Variants in ALOXE3 observed in about 807,000 individuals in gnomAD.
ALOXE3 encodes the protein hydroperoxide isomerase ALOXE3.
A neutral mutation model predicts 87.5 loss-of-function variants in ALOXE3; 78 were observed. That is an observed-to-expected ratio of 0.89 (90% CI 0.74 to 1.08). The LOEUF (loss-of-function observed/expected upper bound fraction) is 1.08, where lower values mean the gene tolerates loss of function less well. Among genes scored for constraint, ALOXE3 ranks in the 50% least tolerant of loss-of-function variants. ALOXE3 has a pLI of 0.00. For synonymous variants in ALOXE3, 363 were observed against 370.8 expected, an observed-to-expected ratio of 0.98 and a Z score of 0.24; for missense variants, 946 against 912.4, an observed-to-expected ratio of 1.04 and a Z score of -0.47.
Position 8,115,039 on chromosome 17 carries a change from A to G in ALOXE3, c.453T>C (p.Pro151=). 1 of 1,614,188 alleles carries G rather than the reference A, an allele frequency of 6.2e-7. No individual in the cohort carries two copies. Among genetic ancestry groups the G allele is most frequent in the South Asian group, 1.1e-5 (1 of 91,082 alleles). ...TGACGTCTACCATGCAGGGGAAGCCAGGGGCATAGATCTTCCAGCTTCCGA... is the reference window on the plus strand; with the variant it reads ...TGACGTCTACCATGCAGGGGAAGCCGGGGGCATAGATCTTCCAGCTTCCGA... ...QECYRWKIYA[P]GFPCMVDVNS... The change falls in exon 5 of 16, where the codon CCT becomes CCC. Residue 151 remains proline, a synonymous_variant. Coordinates refer to ENST00000448843, the MANE Select transcript of ALOXE3 (RefSeq NM_021628.3).
In ALOXE3 at chr17:8,096,329, A is replaced by G. The variant is rs915629285; in HGVS notation, c.*298T>C. On this transcript the variant is annotated 3_prime_UTR_variant, in exon 16 of 16. Transcript: ENST00000448843. ...AAGCTGGGCATTCCAAGAGGCTGGA[A>G]CAAGAGGCTGCCCCAAGTGGGGCAA... 1.1e-5 allele frequency: 4 copies of G among 359,016 alleles called. No individual in the cohort carries two copies. The highest frequency in any genetic ancestry group is 8.2e-5 in the African/African-American group (4 of 48,652). The allele number at this position is 359,016 out of a possible 1,614,324, so 22.2% of individuals were successfully genotyped here.
chr17:8,104,346 G>T, intron 13 of ALOXE3, 131 bp from the exon 14 acceptor site: 1 of 704,126 alleles, frequency 1.4e-6, no homozygotes, highest in Non-Finnish European at 2.5e-6. Context: ...TGTCTTGTCG[G>T]GCTGGTTAGG....
At position 8,103,326 on chromosome 17, in the gene ALOXE3, G is replaced by C. The variant is rs1158302363; in HGVS notation, c.1953C>G (p.Asp651Glu). Residue 651 changes from aspartate to glutamate, a missense_variant, in exon 15 of 16, where the codon GAC (aspartate) becomes GAG (glutamate). Coordinates refer to ENST00000448843, the MANE Select transcript of ALOXE3 (RefSeq NM_021628.3). Reference protein sequence around the residue: ...LFWLVSQEPKDQRPLGTYPDE... With the variant: ...LFWLVSQEPKEQRPLGTYPDE... ...CCTCAACATCCCGTATACACACCTG[G>C]TCCTTGGGTTCTTGGCTAACCAACC... 2 of 1,613,810 alleles carry C rather than the reference G, an allele frequency of 1.2e-6. No individual in the cohort carries two copies. Among genetic ancestry groups the C allele is most frequent in the Non-Finnish European group, 1.7e-6 (2 of 1,179,852 alleles).
chr17:8,106,118 C>G (rs1048646373), intron 13 of ALOXE3, among the ~76,000 whole-genome samples: 1 of 151,622 alleles, frequency 6.6e-6, no homozygotes, highest in African/African-American at 2.4e-5. Flanking sequence ...AGAGGTGGGA[C>G]TGGTTGAGAA....
intron 15 of ALOXE3, among the ~76,000 whole-genome samples, chr17:8,100,609 T>C (rs1462341291): frequency 1.3e-5 from 2 of 152,252 alleles, no homozygotes; most frequent in East Asian, 3.8e-4. Context: ...CTAATTTCTT[T>C]TTTTCTTTTC....
intron 13 of ALOXE3, among the ~76,000 whole-genome samples, chr17:8,107,912 A>G (rs1979537596): frequency 2.8e-4 from 2 of 7,172 alleles, no homozygotes; most frequent in East Asian, 1.3e-3. Flanking sequence ...AAAGAAAGAA[A>G]GAAAGAAAGA....
chr17:8,105,310 A>G (rs1979214062), intron 13 of ALOXE3, among the ~76,000 whole-genome samples: 1 of 151,684 alleles, frequency 6.6e-6, no homozygotes, highest in African/African-American at 2.4e-5. Flanking sequence ...TCTGCCTGCT[A>G]CTCTTGCCCC....
At chr17:8,107,409 C>T (rs930932949) in intron 13 of ALOXE3, among the ~76,000 whole-genome samples, 5 of 152,112 alleles carry the variant, frequency 3.3e-5, no homozygotes, top group Admixed American at 6.5e-5. Flanking sequence ...CCCAGCTACT[C>T]GGGAGACTGA....
rs1210168461 is a variant in ALOXE3 at position 8,116,987 on chromosome 17, G to A, written c.148-7C>T. The stretch of plus-strand genomic sequence containing the variant: ...GCACCTTGTACTTCTGTACCTGAGG[G>A]GACCAAGACAGCAAGCAGGTGAGAG... On this transcript the variant is annotated splice_region_variant and splice_polypyrimidine_tract_variant and intron_variant, in intron 2 of 15. Coordinates refer to ENST00000448843, the MANE Select transcript of ALOXE3 (RefSeq NM_021628.3). 1 of 1,612,818 alleles carries A rather than the reference G, an allele frequency of 6.2e-7. No homozygotes were observed. Among genetic ancestry groups the A allele is most frequent in the Non-Finnish European group, 8.5e-7 (1 of 1,179,380 alleles).
intron 3 of ALOXE3, 112 bp downstream of exon 3, chr17:8,116,664 C>T: frequency 7.7e-7 from 1 of 1,303,464 alleles, no homozygotes; most frequent in Non-Finnish European, 1.1e-6. Context: ...CTTGGGAGCC[C>T]AGAGTTTCTG....
intron 4 of ALOXE3, 91 bp downstream of exon 4, chr17:8,115,516 G>A: frequency 1.5e-6 from 2 of 1,358,910 alleles, no homozygotes; most frequent in Non-Finnish European, 1.0e-6. Flanking sequence ...AGGCACCCAA[G>A]GTTGAGAATG....
chr17:8,109,779 A>G (rs1979860144), intron 11 of ALOXE3, 137 bp downstream of exon 11: 1 of 859,398 alleles, frequency 1.2e-6, no homozygotes, highest in Non-Finnish European at 1.8e-6. Flanking sequence ...CTGGTGGAAG[A>G]GGCAGTGATT....
At chr17:8,105,715 C>G (rs1179436130) in intron 13 of ALOXE3, among the ~76,000 whole-genome samples, 1 of 151,890 alleles carries the variant, frequency 6.6e-6, no homozygotes, top group Non-Finnish European at 1.5e-5. Flanking sequence ...CCAGCCTGGG[C>G]AACATAGCAA....
chr17:8,113,094 G>T (rs927347870), intron 6 of ALOXE3, among the ~76,000 whole-genome samples: 2 of 152,130 alleles, frequency 1.3e-5, no homozygotes, highest in Non-Finnish European at 2.9e-5. Context: ...CCATCTCTAT[G>T]ATAAAAATCT....
chr17:8,105,495 TTCTC>T (rs1260972357), intron 13 of ALOXE3, among the ~76,000 whole-genome samples: 21 of 152,196 alleles, frequency 1.4e-4, no homozygotes, highest in Non-Finnish European at 1.0e-4. Context: ...TGTTTGTTGA[TTCTC>T]TCTTTCTCTC....
chr17:8,116,831 G>A lies in ALOXE3; in HGVS notation c.297C>T (p.Phe99=). The A allele has an allele frequency of 1.2e-6, 2 of 1,614,236 alleles. No homozygotes were observed. Among genetic ancestry groups the A allele is most frequent in the South Asian group, 2.2e-5 (2 of 91,090 alleles). The change falls in exon 3 of 16, where the codon TTC becomes TTT. Residue 99 remains phenylalanine (F), a synonymous_variant. Transcript: ENST00000448843. ...AGCCTTCAATCCACTGATAGCAGGG[G>A]AAGTGGGATACACTACCATCCGGTT... The part of the protein sequence containing the change: ...VTEPDGSVSH[F]PCYQWIEGYC...
At chr17:8,118,326 C>A (rs1980802019) in intron 1 of ALOXE3, 23 bp from the exon 2 acceptor site, 1 of 1,551,676 alleles carries the variant, frequency 6.4e-7, no homozygotes, top group Admixed American at 2.0e-5. Context: ...GGATCAGATG[C>A]TGAGATGGAG....
Position 8,118,266 on chromosome 17 carries a change from C to T in ALOXE3, c.-276G>A. On this transcript the variant is annotated 5_prime_UTR_variant, in exon 2 of 16. Coordinates refer to ENST00000448843, the MANE Select transcript of ALOXE3 (RefSeq NM_021628.3). ...CCTCTGACACAGCCGGTCCCTCTGG[C>T]TGGCTCACCCAGATGGATATCAGGA... 6.4e-7 allele frequency: 1 copy of T among 1,551,748 alleles called. No homozygotes were observed. The highest frequency in any genetic ancestry group is 8.7e-7 in the Non-Finnish European group (1 of 1,147,010).
chr17:8,114,257 GGA>G (rs887984728), intron 6 of ALOXE3, among the ~76,000 whole-genome samples: 8 of 150,742 alleles, frequency 5.3e-5, no homozygotes, highest in Admixed American at 2.6e-4. Flanking sequence ...CTGGGGGCAG[GGA>G]GAGGGGAACT....
Sources: allele counts gnomAD v4.1 joint callset (sites outside exome capture counted in the v4.1 genomes callset), GRCh38; gene constraint gnomAD v4.1.1; transcripts MANE v1.5; gene names NCBI Gene and HGNC (gene_info 2026-07-23, HGNC 2026-07-21).